NHERF4: variants seen among roughly 807,000 people sequenced by gnomAD.
The protein encoded by NHERF4 is NHERF family PDZ scaffold protein 4.
chr11:119,186,649 G>A, the NHERF4 span: 6 of 1,611,812 alleles, frequency 3.7e-6, no homozygotes, highest in Non-Finnish European at 5.1e-6. The surrounding 1 kb of genome is among the most constrained non-coding windows in gnomAD (Gnocchi z 4.4). Flanking sequence ...CAGGATCCTG[G>A]CGGTGAACAA....
chr11:119,187,614 C>T, the NHERF4 span: 80 of 1,581,082 alleles, frequency 5.1e-5, no homozygotes, highest in Non-Finnish European at 5.8e-5. Flanking sequence ...AGCAGCTGAG[C>T]GGGCAGGGGT....
the NHERF4 span, chr11:119,188,059 C>T: frequency 6.4e-7 from 1 of 1,552,624 alleles, no homozygotes; most frequent in Non-Finnish European, 8.7e-7. Context: ...CACTGCCCAC[C>T]AAGCCCCGCT....
chr11:119,189,259 G>C, the NHERF4 span: 1 of 1,560,980 alleles, frequency 6.4e-7, no homozygotes, highest in Non-Finnish European at 8.7e-7. This position sits in a 1 kb window ranked among gnomAD's most constrained non-coding sequence, Gnocchi z 5.8. Flanking sequence ...GCAGGGAGGA[G>C]TGAGAAAGAA....
the NHERF4 span, chr11:119,188,443 G>A: frequency 1.2e-6 from 2 of 1,613,332 alleles, no homozygotes; most frequent in Admixed American, 1.7e-5. Context: ...TGGCTGGGGA[G>A]AGCGTGGAGG....
chr11:119,187,915 C>T, the NHERF4 span: 4 of 1,525,180 alleles, frequency 2.6e-6, no homozygotes, highest in South Asian at 1.3e-5. Flanking sequence ...AGGTGTTATA[C>T]TGATGCCCTG....
chr11:119,185,829 G>A, the NHERF4 span: 1 of 1,550,698 alleles, frequency 6.4e-7, no homozygotes, highest in South Asian at 1.1e-5. Flanking sequence ...GAGTTTGGGG[G>A]TTTCCCTGAG....
chr11:119,186,428 T>C, the NHERF4 span: 1 of 1,602,470 alleles, frequency 6.2e-7, no homozygotes, highest in East Asian at 2.2e-5. This position sits in a 1 kb window ranked among gnomAD's most constrained non-coding sequence, Gnocchi z 4.4. Flanking sequence ...GAACCTGTAC[T>C]TGGGCTGTGC....
the NHERF4 span, chr11:119,189,035 G>A: frequency 1.9e-6 from 3 of 1,614,148 alleles, no homozygotes; most frequent in Non-Finnish European, 2.5e-6. This position sits in a 1 kb window ranked among gnomAD's most constrained non-coding sequence, Gnocchi z 5.8. Flanking sequence ...TGCCCGGGCT[G>A]GGCTGCAAGT....
At chr11:119,187,458 T>C in the NHERF4 span, 14 of 1,613,612 alleles carry the variant, frequency 8.7e-6, no homozygotes, top group Non-Finnish European at 1.2e-5. Flanking sequence ...GTGTCACCCA[T>C]GGTGAGCCCA....
the NHERF4 span, chr11:119,188,751 A>C: frequency 6.2e-7 from 1 of 1,614,130 alleles, no homozygotes; most frequent in Non-Finnish European, 8.5e-7. Flanking sequence ...TGAAGACACA[A>C]GCGTGCCTTC....
the NHERF4 span, chr11:119,189,792 C>A: frequency 2.0e-6 from 1 of 492,484 alleles, no homozygotes; most frequent in Non-Finnish European, 3.7e-6. This position sits in a 1 kb window ranked among gnomAD's most constrained non-coding sequence, Gnocchi z 5.8. Context: ...AGGATTGAAG[C>A]CATCTGGACC....
At chr11:119,189,289 C>A in the NHERF4 span, 1 of 1,509,472 alleles carries the variant, frequency 6.6e-7, no homozygotes, top group Admixed American at 1.9e-5. This position sits in a 1 kb window ranked among gnomAD's most constrained non-coding sequence, Gnocchi z 5.8. Flanking sequence ...GGGCGAGGTA[C>A]AAGGTGAAGC....
At chr11:119,187,353 G>C in the NHERF4 span, 1 of 1,613,804 alleles carries the variant, frequency 6.2e-7, no homozygotes, top group African/African-American at 1.3e-5. Flanking sequence ...CCCGAGCTCA[G>C]CTGGGAGAAG....
the NHERF4 span, chr11:119,189,241 TAC>T: frequency 6.3e-7 from 1 of 1,578,816 alleles, no homozygotes; most frequent in Non-Finnish European, 8.6e-7. The surrounding 1 kb of genome is among the most constrained non-coding windows in gnomAD (Gnocchi z 5.8). Context: ...TGTGAGTAGC[TAC>T]AGAGGGCAGG....
the NHERF4 span, chr11:119,186,799 C>T: frequency 1.5e-5 from 17 of 1,142,826 alleles, no homozygotes; most frequent in African/African-American, 3.1e-5. This position sits in a 1 kb window ranked among gnomAD's most constrained non-coding sequence, Gnocchi z 4.4. Flanking sequence ...CCCCACACCC[C>T]AGGATTTAGA....
the NHERF4 span, chr11:119,187,140 C>CAAA: frequency 4.0e-4 from 205 of 509,040 alleles, no homozygotes; most frequent in Middle Eastern, 5.3e-4. Context: ...AACTCCATCT[C>CAAA]AAAAAAAAAA....
At chr11:119,188,015 T>C in the NHERF4 span, 17 of 1,563,454 alleles carry the variant, frequency 1.1e-5, no homozygotes, top group Non-Finnish European at 1.5e-5. Flanking sequence ...CCAGCTGGGA[T>C]TGCCCCTGGC....
At chr11:119,189,622 C>A in the NHERF4 span, 1 of 1,033,806 alleles carries the variant, frequency 9.7e-7, no homozygotes, top group Non-Finnish European at 1.5e-6. The surrounding 1 kb of genome is among the most constrained non-coding windows in gnomAD (Gnocchi z 5.8). Flanking sequence ...CACAGGCTGG[C>A]CCAGGTGCTC....
chr11:119,188,402 G>A, the NHERF4 span: 1 of 1,613,668 alleles, frequency 6.2e-7, no homozygotes, highest in Non-Finnish European at 8.5e-7. Flanking sequence ...CAAGAAGGCT[G>A]GGATGCAGGC....
Sources: allele counts gnomAD v4.1 joint callset, GRCh38; gene constraint gnomAD v4.1.1; non-coding constraint Gnocchi (gnomAD v3.1); transcripts MANE v1.5; gene names NCBI Gene and HGNC (gene_info 2026-07-23, HGNC 2026-07-21).